TLN1: variants seen among roughly 807,000 people sequenced by gnomAD.
TLN1 encodes talin-1.
TLN1 carries 56 observed loss-of-function variants against 292.3 expected under a neutral mutation model. The observed-to-expected ratio is 0.19, with a 90% CI of 0.15 to 0.24. The LOEUF (loss-of-function observed/expected upper bound fraction) is 0.24, where lower values mean the gene tolerates loss of function less well. Among genes scored for constraint, TLN1 ranks in the 10% least tolerant of loss-of-function variants. TLN1 has a pLI of 1.00. For synonymous variants in TLN1, 1,119 were observed against 1,253.7 expected, an observed-to-expected ratio of 0.89 and a Z score of 2.27; for missense variants, 2,433 against 3,248.2, an observed-to-expected ratio of 0.75 and a Z score of 6.10.
At position 35,729,012 on chromosome 9, in the gene TLN1, T is replaced by G. The variant is rs942508898; in HGVS notation, c.-34+3063A>C. 1.2e-4 allele frequency among the ~76,000 whole-genome samples: 18 copies of G among 152,286 alleles called. No individual in the cohort carries two copies. In the East Asian group the frequency reaches 3.5e-3, roughly 29 times the overall value. Reference sequence around the variant, plus strand: ...AAAAGTCTCCATGATAAGTATCATTTGAAGCTAGAATTTTAAAAAATAGAG... The same window carrying G: ...AAAAGTCTCCATGATAAGTATCATTGGAAGCTAGAATTTTAAAAAATAGAG... On this transcript the variant is annotated intron_variant, in intron 1 of 56. Coordinates refer to ENST00000314888, the MANE Select transcript of TLN1 (RefSeq NM_006289.4).
intron 33 of TLN1, 24 bp downstream of exon 33, chr9:35,710,537 A>G (rs766508642): frequency 6.2e-7 from 1 of 1,602,248 alleles, no homozygotes; most frequent in Non-Finnish European, 8.5e-7. Context: ...GGGCCATTCA[A>G]AGAACCCATC....
chr9:35,715,099 G>A lies in TLN1; in HGVS notation c.2714C>T (p.Ala905Val), dbSNP rs1467184007. 8.1e-6 allele frequency: 13 copies of A among 1,613,116 alleles called. No individual in the cohort carries two copies. Among genetic ancestry groups the A allele is most frequent in the Non-Finnish European group, 1.1e-5 (13 of 1,180,048 alleles). ...CAGCTTTTTCTTGATGGCATTCTGC[G>A]CAGCTGCATTGGTGGCCATGCGCAG... is the stretch of plus-strand genomic sequence containing the variant. ...EGLRMATNAA[A>V]QNAIKKKLVQ... The change falls in exon 21 of 57, where the codon GCG becomes GTG. Residue 905 changes from alanine (A) to valine (V), a missense_variant. Physicochemically the swap from Ala to Val is moderately conservative, Grantham distance 64 (BLOSUM62 0). Around this residue, in one of 7 missense-constraint regions of TLN1, gnomAD observed 617 missense variants for 770.6 expected, o/e 0.80. Coordinates refer to ENST00000314888, the MANE Select transcript of TLN1 (RefSeq NM_006289.4).
chr9:35,705,042 T>C (rs961362915), intron 43 of TLN1, among the ~76,000 whole-genome samples: 6 of 152,200 alleles, frequency 3.9e-5, no homozygotes, highest in Middle Eastern at 3.2e-3. Flanking sequence ...GTGGTGAGGA[T>C]TGTGTTAAGC....
Position 35,703,799 on chromosome 9 carries a change from C to T in TLN1, c.6333G>A (p.Val2111=), listed in dbSNP as rs992374278. Residue 2111 remains valine, a synonymous_variant, in exon 47 of 57, where the codon GTG becomes GTA. Transcript: ENST00000314888. ...CCTTGGCAGAGTTCTTTAGCTGCCACACAGCAGGGTCATCTCCAACTTTGC... is the reference window on the plus strand; with the variant it reads ...CCTTGGCAGAGTTCTTTAGCTGCCATACAGCAGGGTCATCTCCAACTTTGC... ...AAGKVGDDPA[V]WQLKNSAKVM... is the part of the protein sequence containing the mutation. 1.2e-6 allele frequency: 2 copies of T among 1,614,236 alleles called. No homozygotes were observed. The highest frequency in any genetic ancestry group is 1.3e-5 in the African/African-American group (1 of 75,056).
chr9:35,705,913 C>T (rs1041860374), intron 41 of TLN1, 49 bp downstream of exon 41: 2 of 1,614,022 alleles, frequency 1.2e-6, no homozygotes, highest in African/African-American at 1.3e-5. Context: ...TGCTTGGAGG[C>T]TCTGGCCCAG....
rs556306270 is a variant in TLN1, at chr9:35,722,786, G to A, written c.843+75C>T. On this transcript the variant is annotated intron_variant, in intron 8 of 56. Transcript: ENST00000314888. ...GTTAGGGGAGACGGGGAGGAGGCAG[G>A]GGGCCATTTAGTCAGTAAGATTAAG... 2.0e-6 allele frequency: 3 copies of A among 1,482,222 alleles called. No homozygotes were observed. In the South Asian group the frequency reaches 3.4e-5, roughly 17 times the overall value. The allele number at this position is 1,482,222 out of a possible 1,614,324, so 91.8% of individuals were successfully genotyped here.
At position 35,724,967 on chromosome 9, in the gene TLN1, G is replaced by A. The variant is rs1825942704; in HGVS notation, c.229-8C>T. ...CCTGTACTCCATAGTGTCCTGTTAG[G>A]GCAGGAAGAAGAGACAGGGGCCTAC... On this transcript the variant is annotated splice_region_variant and splice_polypyrimidine_tract_variant and intron_variant, in intron 3 of 56. Transcript: ENST00000314888. This position sits in a 1 kb window ranked among gnomAD's most constrained non-coding sequence, Gnocchi z 4.7. 1 of 1,613,894 alleles carries A rather than the reference G, an allele frequency of 6.2e-7. No individual in the cohort carries two copies. The highest frequency in any genetic ancestry group is 8.5e-7 in the Non-Finnish European group (1 of 1,180,040).
At chr9:35,726,413 C>A (rs147140043) in intron 1 of TLN1, among the ~76,000 whole-genome samples, 75 of 152,160 alleles carry the variant, frequency 4.9e-4, no homozygotes, top group Admixed American at 1.8e-3. Context: ...TTCATTTTTG[C>A]CTGGTTCAGT....
chr9:35,724,476 C>T lies in TLN1; in HGVS notation c.511+96G>A. The stretch of plus-strand genomic sequence containing the variant: ...GGACTTTGTTTTCTCACTGATGTAT[C>T]CCCAGGGTGTAAAACAGTGCCTGGC... On this transcript the variant is annotated intron_variant, in intron 5 of 56. Transcript: ENST00000314888. The surrounding 1 kb of genome is among the most constrained non-coding windows in gnomAD (Gnocchi z 4.7). 1 of 1,563,200 alleles carries T rather than the reference C, an allele frequency of 6.4e-7. No individual in the cohort carries two copies. Among genetic ancestry groups the T allele is most frequent in the South Asian group, 1.2e-5 (1 of 84,618 alleles).
chr9:35,711,490 C>T, intron 29 of TLN1, 96 bp from the exon 30 acceptor site: 1 of 1,604,300 alleles, frequency 6.2e-7, no homozygotes, highest in Non-Finnish European at 8.5e-7. Flanking sequence ...GTGCTAGAGA[C>T]TGGGGAGGGA....
In TLN1 at chr9:35,721,776, C is replaced by T; in HGVS notation, c.976G>A (p.Val326Met). Reference sequence around the variant, plus strand: ...TTGGTGATGCCCAGAAGCCTGGGCACTAGCTTGTTCTTCCCTTTCATTTTT... The same window carrying T: ...TTGGTGATGCCCAGAAGCCTGGGCATTAGCTTGTTCTTCCCTTTCATTTTT... ...KEKMKGKNKL[V>M]PRLLGITKEC... The change falls in exon 10 of 57, where the codon GTG becomes ATG. Residue 326 changes from valine to methionine, a missense_variant. Coordinates refer to ENST00000314888, the MANE Select transcript of TLN1 (RefSeq NM_006289.4). 6.2e-7 allele frequency: 1 copy of T among 1,611,608 alleles called. No homozygotes were observed. The highest frequency in any genetic ancestry group is 8.5e-7 in the Non-Finnish European group (1 of 1,177,780).
intron 1 of TLN1, among the ~76,000 whole-genome samples, chr9:35,729,395 G>A (rs1826030744): frequency 6.6e-6 from 1 of 152,210 alleles, no homozygotes; most frequent in African/African-American, 2.4e-5. Flanking sequence ...GAAGCACAGG[G>A]GTACCTGCAA....
intron 17 of TLN1, 106 bp downstream of exon 17, chr9:35,718,706 T>A (rs529603597): frequency 5.8e-6 from 5 of 862,778 alleles, no homozygotes; most frequent in Non-Finnish European, 9.4e-6. Flanking sequence ...AGGTTCAGAT[T>A]GGTTTTTAGG....
In TLN1 at chr9:35,720,486, C is replaced by G. The variant is rs766680171; in HGVS notation, c.1230G>C (p.Gly410=). The change falls in exon 12 of 57, where the codon GGG becomes GGC. Residue 410 remains glycine, a synonymous_variant. Transcript: ENST00000314888. ...TAGTAGACTCCTCATCTCCTTCCAG[C>G]CCAAAGTGATCCTTGCTTTTTTTCT... The part of the protein sequence containing the change: ...LKKKKSKDHF[G]LEGDEESTML... 2 of 1,614,150 alleles carry G rather than the reference C, an allele frequency of 1.2e-6. No individual in the cohort carries two copies. The highest frequency in any genetic ancestry group is 1.7e-6 in the Non-Finnish European group (2 of 1,180,028).
chr9:35,711,462 T>A (rs1217189964), intron 29 of TLN1, 68 bp from the exon 30 acceptor site: 28 of 1,609,004 alleles, frequency 1.7e-5, no homozygotes, highest in Non-Finnish European at 2.4e-5. Flanking sequence ...GGGATCTTCT[T>A]TCCCAGACAC....
At chr9:35,730,174 T>TG (rs1247849431) in intron 1 of TLN1, among the ~76,000 whole-genome samples, 1 of 137,892 alleles carries the variant, frequency 7.3e-6, no homozygotes, top group Non-Finnish European at 1.5e-5. Flanking sequence ...GCTGGGCCTG[T>TG]GGTCAGTCAC....
At position 35,707,980 on chromosome 9, in the gene TLN1, G is replaced by C; in HGVS notation, c.4471-88C>G. On this transcript the variant is annotated intron_variant, in intron 34 of 56. Transcript: ENST00000314888. The surrounding 1 kb of genome is among the most constrained non-coding windows in gnomAD (Gnocchi z 5.6). ...AGCCATTTTAGGGTCAGGGGATGGAGAGCAATACCCTGAGGAGTCAAAACA... is the reference window on the plus strand; with the variant it reads ...AGCCATTTTAGGGTCAGGGGATGGACAGCAATACCCTGAGGAGTCAAAACA... The C allele has an allele frequency of 6.8e-7, 1 of 1,464,128 alleles. No homozygotes were observed. The highest frequency in any genetic ancestry group is 9.4e-7 in the Non-Finnish European group (1 of 1,062,990). 90.7% of individuals were successfully genotyped at this position (1,464,128 alleles called of 1,614,324 possible).
chr9:35,728,141 A>AG (rs1306486191), intron 1 of TLN1, among the ~76,000 whole-genome samples: 2 of 152,034 alleles, frequency 1.3e-5, no homozygotes, highest in Admixed American at 6.6e-5. Flanking sequence ...GGGCAATTGG[A>AG]GGGGGGGAAT....
Position 35,704,314 on chromosome 9 carries a change from G to T in TLN1, c.6047+18C>A. On this transcript the variant is annotated intron_variant, in intron 45 of 56. Transcript: ENST00000314888. This position sits in a 1 kb window ranked among gnomAD's most constrained non-coding sequence, Gnocchi z 6.9. ...GCCCCGACCTGTCTGCCTCCCTTAG[G>T]CCCAGTTCCTGTCTTACCGGTGGTC... The T allele has an allele frequency of 1.2e-6, 2 of 1,609,750 alleles. No individual in the cohort carries two copies. The highest frequency in any genetic ancestry group is 1.7e-6 in the Non-Finnish European group (2 of 1,177,566).
Sources: gnomAD v4.1 joint callset for allele counts (sites outside exome capture counted in the v4.1 genomes callset) on GRCh38, gnomAD v4.1.1 for gene constraint, gnomAD v4.1.1 regional missense constraint, Gnocchi (gnomAD v3.1) non-coding constraint, MANE v1.5 for transcripts, NCBI Gene and HGNC (gene_info 2026-07-23, HGNC 2026-07-21) for gene names.